Variants in POLN observed in about 807,000 individuals in gnomAD.
POLN encodes the protein DNA polymerase nu.
In POLN, 108 loss-of-function variants were observed where a neutral mutation model predicts 113.5. The ratio of observed to expected loss-of-function variants is 0.95; its 90% CI spans 0.81 to 1.12. The LOEUF (loss-of-function observed/expected upper bound fraction) is 1.12, where lower values mean the gene tolerates loss of function less well. Ranked by LOEUF, POLN falls within the 50% of genes most tolerant of loss-of-function variation. POLN has a pLI of 0.00. For missense variants in POLN, 1,097 were observed against 1,077.1 expected (o/e 1.02, Z -0.26); for synonymous variants, 386 against 391.5 (o/e 0.99, Z 0.17).
At position 2,126,841 on chromosome 4, in the gene POLN, G is replaced by A. The variant is rs1362895148; in HGVS notation, c.1982+1272C>T. ...GGCCTAGCCAGGGCAGCTGAAGAGG[G>A]AGCACCAGGAGAGTGGGTGGCAACC... On this transcript the variant is annotated intron_variant, in intron 19 of 25. Transcript: ENST00000511885. This position sits in a 1 kb window ranked among gnomAD's most constrained non-coding sequence, Gnocchi z 4.6. Among the ~76,000 whole-genome samples, 1 of 152,188 alleles carries A rather than the reference G, an allele frequency of 6.6e-6. No homozygotes were observed. Among genetic ancestry groups the A allele is most frequent in the Admixed American group, 6.5e-5 (1 of 15,284 alleles).
intron 5 of POLN, among the ~76,000 whole-genome samples, chr4:2,201,305 G>GAAAAAAA (rs1733709580): frequency 1.0e-4 from 6 of 58,106 alleles, no homozygotes; most frequent in African/African-American, 3.1e-4. Flanking sequence ...AAAAAAAAAC[G>GAAAAAAA]AGGGGAGAAA....
intron 16 of POLN, among the ~76,000 whole-genome samples, chr4:2,147,632 G>GTTTTTTTTTTTT (rs1047968546): frequency 1.6e-4 from 9 of 56,336 alleles, no homozygotes; most frequent in South Asian, 7.3e-4. Context: ...CAGACATCCA[G>GTTTTTTTTTTTT]TTTTTCTTTT....
At chr4:2,185,419 G>A (rs1187933665) in intron 7 of POLN, among the ~76,000 whole-genome samples, 3 of 152,212 alleles carry the variant, frequency 2.0e-5, no homozygotes, top group East Asian at 3.8e-4. Flanking sequence ...CAGAGGAAGG[G>A]AGAACATATA....
At chr4:2,158,319 C>T (rs1732490438) in intron 14 of POLN, among the ~76,000 whole-genome samples, 1 of 152,130 alleles carries the variant, frequency 6.6e-6, no homozygotes, top group African/African-American at 2.4e-5. Context: ...GCTACTATCA[C>T]CTTAGATGAC....
chr4:2,145,385 G>C (rs1055904519), intron 16 of POLN, among the ~76,000 whole-genome samples: 3 of 151,960 alleles, frequency 2.0e-5, no homozygotes, highest in African/African-American at 7.3e-5. Flanking sequence ...ACCACAGACT[G>C]GGAGAAGATA....
intron 16 of POLN, among the ~76,000 whole-genome samples, chr4:2,136,884 G>C (rs1390597970): frequency 6.6e-6 from 1 of 152,246 alleles, no homozygotes. Context: ...TGAAGCCAAA[G>C]GAAAGTGATA....
chr4:2,148,591 C>G (rs1732207963), intron 16 of POLN, among the ~76,000 whole-genome samples: 1 of 151,804 alleles, frequency 6.6e-6, no homozygotes, highest in Non-Finnish European at 1.5e-5. Context: ...TGCTTGAACC[C>G]AGGAGGCGGA....
At chr4:2,179,273 T>C (rs2108750727) in intron 8 of POLN, 35 bp downstream of exon 8, 1 of 1,575,804 alleles carries the variant, frequency 6.3e-7, no homozygotes, top group East Asian at 2.2e-5. Flanking sequence ...ATAGGATGTA[T>C]TAAGGTTGAT....
chr4:2,186,471 T>C (rs1733275895), intron 7 of POLN, among the ~76,000 whole-genome samples: 1 of 152,130 alleles, frequency 6.6e-6, no homozygotes, highest in South Asian at 2.1e-4. Flanking sequence ...GGTATTCCCT[T>C]AGGGACTTTC....
intron 22 of POLN, 67 bp downstream of exon 22, chr4:2,081,566 A>C: frequency 6.7e-7 from 1 of 1,488,244 alleles, no homozygotes; most frequent in South Asian, 1.1e-5. Context: ...GGTGCCACCC[A>C]GCCCTGCGGC....
intron 16 of POLN, among the ~76,000 whole-genome samples, chr4:2,148,771 C>G (rs1199815284): frequency 6.6e-6 from 1 of 151,734 alleles, no homozygotes; most frequent in African/African-American, 2.4e-5. Context: ...ATCCTAAATA[C>G]AAGAAACATG....
At chr4:2,088,991 C>A (rs746066908) in intron 20 of POLN, 4 of 868,500 alleles carry the variant, frequency 4.6e-6, no homozygotes, top group Non-Finnish European at 7.5e-6. Context: ...AGTCAGACAG[C>A]CTTTATTGTT....
chr4:2,215,730 C>G (rs556780784), intron 3 of POLN, among the ~76,000 whole-genome samples: 1 of 152,184 alleles, frequency 6.6e-6, no homozygotes, highest in Non-Finnish European at 1.5e-5. Flanking sequence ...TAGCCACTTG[C>G]TTCAGGGACG....
chr4:2,125,557 T>C (rs1731558068), intron 19 of POLN, among the ~76,000 whole-genome samples: 1 of 152,150 alleles, frequency 6.6e-6, no homozygotes, highest in African/African-American at 2.4e-5. Context: ...TGCCACCACC[T>C]TGCAACTTCC....
chr4:2,174,637 A>G (rs1013399903), intron 10 of POLN, 54 bp downstream of exon 10: 29 of 1,415,524 alleles, frequency 2.0e-5, no homozygotes, highest in Non-Finnish European at 2.9e-5. Flanking sequence ...CATCCCAAAC[A>G]ATATGAAGAA....
intron 19 of POLN, among the ~76,000 whole-genome samples, chr4:2,096,995 T>C (rs1056034211): frequency 6.6e-6 from 1 of 152,260 alleles, no homozygotes; most frequent in Non-Finnish European, 1.5e-5. Flanking sequence ...AATGCCCTAA[T>C]TTCCAAAAGC....
Position 2,072,951 on chromosome 4 carries a change from C to A in POLN, c.2517+17G>T, listed in dbSNP as rs1219809072. On this transcript the variant is annotated intron_variant, in intron 25 of 25. Transcript: ENST00000511885. Reference sequence around the variant, plus strand: ...CCTGGGCTCCGGAAGACCGGGCAGGCTTAAGTGTCCCCTCACCTGAAGCTG... The same window carrying A: ...CCTGGGCTCCGGAAGACCGGGCAGGATTAAGTGTCCCCTCACCTGAAGCTG... The A allele has an allele frequency of 2.5e-6, 4 of 1,612,372 alleles. No individual in the cohort carries two copies. In the South Asian group the frequency reaches 4.4e-5, roughly 18 times the overall value.
intron 21 of POLN, 42 bp downstream of exon 21, chr4:2,085,571 G>C: frequency 1.9e-6 from 3 of 1,610,110 alleles, no homozygotes; most frequent in Non-Finnish European, 2.5e-6. Flanking sequence ...CTCCCACAGA[G>C]GGTTGGCAGG....
At chr4:2,197,040 A>T (rs1203491190) in intron 6 of POLN, among the ~76,000 whole-genome samples, 1 of 152,192 alleles carries the variant, frequency 6.6e-6, no homozygotes, top group Non-Finnish European at 1.5e-5. Flanking sequence ...GAGTAAGCAG[A>T]CCTCGAGGGC....
Sources: gnomAD v4.1 joint callset for allele counts (sites outside exome capture counted in the v4.1 genomes callset) on GRCh38, gnomAD v4.1.1 for gene constraint, Gnocchi (gnomAD v3.1) non-coding constraint, MANE v1.5 for transcripts, NCBI Gene and HGNC (gene_info 2026-07-23, HGNC 2026-07-21) for gene names.